Variants in RBMS3 observed in about 807,000 individuals in gnomAD.
The protein encoded by RBMS3 is RNA-binding motif, single-stranded-interacting protein 3.
A neutral mutation model predicts 66.8 loss-of-function variants in RBMS3; 27 were observed. The observed-to-expected ratio is 0.40, with a 90% CI of 0.30 to 0.56. RBMS3 has a LOEUF of 0.56. Ranked by LOEUF, RBMS3 falls within the 20% of genes least tolerant of loss-of-function variation. The pLI is 0.40. For synonymous variants in RBMS3, 188 were observed against 183.0 expected (o/e 1.03, Z -0.22); for missense variants, 513 against 549.5 (o/e 0.93, Z 0.66).
chr3:29,717,826 G>A lies in RBMS3; in HGVS notation c.400-21894G>A, dbSNP rs973444179. Among the ~76,000 whole-genome samples the A allele has an allele frequency of 7.2e-5, 11 of 152,156 alleles. No homozygotes were observed. The East Asian group carries it at 7.7e-4, about 11-fold the overall frequency. On this transcript the variant is annotated intron_variant, in intron 4 of 14. Coordinates refer to ENST00000383767, the MANE Select transcript of RBMS3 (RefSeq NM_001003793.3). ...CGGAGTGGCAAATTGATAATAACCC[G>A]TTTAGATCTCTTCATTATGCCCCGT...
At chr3:29,691,138 G>A (rs1330903508) in intron 4 of RBMS3, among the ~76,000 whole-genome samples, 2 of 152,126 alleles carry the variant, frequency 1.3e-5, no homozygotes, top group African/African-American at 4.8e-5. Flanking sequence ...GTATAAATAT[G>A]CCAGTCATAT....
intron 3 of RBMS3, among the ~76,000 whole-genome samples, chr3:29,559,336 C>A (rs766985063): frequency 6.6e-6 from 1 of 151,628 alleles, no homozygotes; most frequent in East Asian, 1.9e-4. Flanking sequence ...TCTGTTATTG[C>A]ACCATAAAAG....
chr3:29,901,584 C>A (rs923904185), intron 10 of RBMS3, among the ~76,000 whole-genome samples: 3 of 151,672 alleles, frequency 2.0e-5, no homozygotes, highest in East Asian at 3.9e-4. Flanking sequence ...CCCAGTACAG[C>A]TTCAGCCTCG....
chr3:29,748,617 A>C lies in RBMS3; in HGVS notation c.557+8740A>C, dbSNP rs149910282. On this transcript the variant is annotated intron_variant, in intron 5 of 14. Coordinates refer to ENST00000383767, the MANE Select transcript of RBMS3 (RefSeq NM_001003793.3). ...AATTAGGAACAAAAATGCCTTTAAA[A>C]AACTACCCTGGGCATGGATGCTGTG... 8.8e-3 allele frequency among the ~76,000 whole-genome samples: 1,341 copies of C among 152,292 alleles called. 22 individuals carry two copies. The highest frequency in any genetic ancestry group is 0.03 in the African/African-American group (1,258 of 41,554).
At chr3:29,681,676 A>G (rs2051503098) in intron 4 of RBMS3, among the ~76,000 whole-genome samples, 2 of 152,304 alleles carry the variant, frequency 1.3e-5, no homozygotes, top group African/African-American at 4.8e-5. Flanking sequence ...CCTGCAAAGG[A>G]CATGATCTTC....
At chr3:29,475,356 C>T (rs549163187) in intron 2 of RBMS3, among the ~76,000 whole-genome samples, 1 of 151,616 alleles carries the variant, frequency 6.6e-6, no homozygotes, top group African/African-American at 2.4e-5. Flanking sequence ...TCAAGCAATT[C>T]TCCTGCTTCA....
At chr3:29,372,583 A>G (rs1433190824) in intron 1 of RBMS3, among the ~76,000 whole-genome samples, 1 of 152,168 alleles carries the variant, frequency 6.6e-6, no homozygotes, top group Non-Finnish European at 1.5e-5. Flanking sequence ...CCAATAAGCA[A>G]CCAAATAATT....
intron 10 of RBMS3, among the ~76,000 whole-genome samples, chr3:29,935,691 C>T (rs2061248181): frequency 2.0e-5 from 3 of 152,008 alleles, no homozygotes; most frequent in Non-Finnish European, 4.4e-5. Context: ...AGATAAATGA[C>T]ATAAACCAAG....
intron 3 of RBMS3, among the ~76,000 whole-genome samples, chr3:29,516,300 G>A (rs1038281922): frequency 2.6e-5 from 4 of 152,122 alleles, no homozygotes; most frequent in Non-Finnish European, 2.9e-5. Flanking sequence ...TGAAAAATTT[G>A]GTAAGTTGAT....
At chr3:29,444,805 T>TTTTTC in intron 2 of RBMS3, among the ~76,000 whole-genome samples, 2 of 138,692 alleles carry the variant, frequency 1.4e-5, no homozygotes, top group African/African-American at 2.6e-5. Context: ...TTTTTTTTTT[T>TTTTTC]TTTTTTTGCT....
intron 1 of RBMS3, among the ~76,000 whole-genome samples, chr3:29,321,215 A>G (rs1575538393): frequency 6.6e-6 from 1 of 152,080 alleles, no homozygotes; most frequent in African/African-American, 2.4e-5. Flanking sequence ...TTTATGATAT[A>G]TTAGTCCCTT....
intron 12 of RBMS3, among the ~76,000 whole-genome samples, chr3:29,983,965 A>G (rs1559861720): frequency 1.3e-5 from 2 of 152,100 alleles, no homozygotes; most frequent in Non-Finnish European, 2.9e-5. Context: ...CTGTCTTGCT[A>G]GGTTGGGGAA....
chr3:29,712,220 CAGAT>C (rs1443274659), intron 4 of RBMS3, among the ~76,000 whole-genome samples: 1 of 152,110 alleles, frequency 6.6e-6, no homozygotes, highest in Non-Finnish European at 1.5e-5. Flanking sequence ...AAGGGATACT[CAGAT>C]AGCTAGTAAA....
At chr3:29,320,272 A>G (rs903481966) in intron 1 of RBMS3, among the ~76,000 whole-genome samples, 2 of 152,064 alleles carry the variant, frequency 1.3e-5, no homozygotes, top group Non-Finnish European at 2.9e-5. Context: ...AAATAGGAGA[A>G]CTTTCTCTGA....
chr3:30,000,819 A>G (rs990086743), intron 14 of RBMS3, among the ~76,000 whole-genome samples: 1 of 152,116 alleles, frequency 6.6e-6, no homozygotes, highest in Non-Finnish European at 1.5e-5. Flanking sequence ...ATTCTCACTC[A>G]TAAGTGGGAG....
chr3:29,745,687 T>C (rs1308677133), intron 5 of RBMS3, among the ~76,000 whole-genome samples: 1 of 152,170 alleles, frequency 6.6e-6, no homozygotes, highest in Non-Finnish European at 1.5e-5. Context: ...TACTATCCCC[T>C]GGTGAGCTAA....
chr3:29,560,790 G>C (rs541784232), intron 3 of RBMS3, among the ~76,000 whole-genome samples: 1 of 152,260 alleles, frequency 6.6e-6, no homozygotes, highest in African/African-American at 2.4e-5. Context: ...TGTTACATAG[G>C]TAAACTTGTG....
In RBMS3 at chr3:29,413,438, C is replaced by T. The variant is rs1044499581; in HGVS notation, c.76-21305C>T. Among the ~76,000 whole-genome samples, 36 of 151,208 alleles carry T rather than the reference C, an allele frequency of 2.4e-4. 1 individual carries two copies. The highest frequency in any genetic ancestry group is 5.0e-4 in the Non-Finnish European group (34 of 67,692). On this transcript the variant is annotated intron_variant, in intron 1 of 14. Transcript: ENST00000383767. ...CATACATACATACACAGAGTTGCAG[C>T]AGAAAAGCTAGGAGAAATGCAGTAT...
At chr3:29,944,777 T>C (rs1314669395) in intron 12 of RBMS3, among the ~76,000 whole-genome samples, 1 of 151,714 alleles carries the variant, frequency 6.6e-6, no homozygotes, top group Non-Finnish European at 1.5e-5. Flanking sequence ...AACTTCAAAT[T>C]TGTTCCCAAA....
Sources: allele counts gnomAD v4.1 joint callset (sites outside exome capture counted in the v4.1 genomes callset), GRCh38; gene constraint gnomAD v4.1.1; transcripts MANE v1.5; gene names NCBI Gene and HGNC (gene_info 2026-07-23, HGNC 2026-07-21).